NTM: variants seen among roughly 807,000 people sequenced by gnomAD.
NTM encodes the protein neurotrimin.
Under a neutral mutation model 42.1 loss-of-function variants are expected in NTM, and 13 were observed. The ratio of observed to expected loss-of-function variants is 0.31; its 90% CI spans 0.20 to 0.49. NTM has a LOEUF of 0.49. NTM is among the 20% of genes least tolerant of loss of function. The probability of loss-of-function intolerance (pLI) is 0.99; values close to 1 mark genes in which losing one functional copy is unlikely to be tolerated. For missense variants in NTM, 373 were observed against 452.8 expected (o/e 0.82, Z 1.60); for synonymous variants, 187 against 179.2 (o/e 1.04, Z -0.35).
rs868831339 is a variant in NTM, at chr11:131,478,415, C to A, written c.82+107527C>A. Among the ~76,000 whole-genome samples, 3 of 152,118 alleles carry A rather than the reference C, an allele frequency of 2.0e-5. No individual in the cohort carries two copies. In the South Asian group the frequency reaches 6.2e-4, roughly 32 times the overall value. On this transcript the variant is annotated intron_variant, in intron 1 of 8. Transcript: ENST00000683400. ...GTAGGTAGCATACCAGGGTACCATG[C>A]GCATATTTCTGTCATAGTGGTTATT... is the stretch of plus-strand genomic sequence containing the variant.
In NTM at chr11:131,435,733, C is replaced by T. The variant is rs534879173; in HGVS notation, c.82+64845C>T. 7.9e-5 allele frequency among the ~76,000 whole-genome samples: 12 copies of T among 152,318 alleles called. No individual in the cohort carries two copies. In the South Asian group the frequency reaches 2.3e-3, roughly 29 times the overall value. On this transcript the variant is annotated intron_variant, in intron 1 of 8. Transcript: ENST00000683400. ...AATATACAATCATGTCATCTGCAAA[C>T]AGGGACAATTTGACTTCTTCTTTTC...
At chr11:131,504,966 C>G (rs986781467) in intron 1 of NTM, among the ~76,000 whole-genome samples, 1 of 152,100 alleles carries the variant, frequency 6.6e-6, no homozygotes. Flanking sequence ...CACTATCTGA[C>G]CTGGCTGGAC....
intron 1 of NTM, among the ~76,000 whole-genome samples, chr11:131,473,658 T>C (rs563205432): frequency 1.3e-5 from 2 of 152,126 alleles, no homozygotes; most frequent in Admixed American, 6.5e-5. Flanking sequence ...TGGAAGCCAA[T>C]GAGGCGTGGC....
intron 1 of NTM, among the ~76,000 whole-genome samples, chr11:131,444,984 G>A (rs1037055065): frequency 2.0e-5 from 3 of 152,176 alleles, no homozygotes; most frequent in African/African-American, 7.2e-5. Context: ...ATATCTTAAT[G>A]AGAGAGAAAA....
chr11:131,861,563 C>T (rs182892559), intron 1 of NTM, among the ~76,000 whole-genome samples: 3 of 152,300 alleles, frequency 2.0e-5, no homozygotes, highest in Admixed American at 6.5e-5. Context: ...CACCGGGTTA[C>T]ATTTTGCTTT....
intron 1 of NTM, among the ~76,000 whole-genome samples, chr11:131,375,253 A>G (rs2135484321): frequency 6.6e-6 from 1 of 152,340 alleles, no homozygotes; most frequent in African/African-American, 2.4e-5. Flanking sequence ...GTAAGGACTC[A>G]TTAATGCTTG....
intron 1 of NTM, among the ~76,000 whole-genome samples, chr11:131,598,311 G>T (rs2059988547): frequency 6.6e-6 from 1 of 152,228 alleles, no homozygotes; most frequent in Non-Finnish European, 1.5e-5. Context: ...GTGCCAGATG[G>T]TAATGTTCTG....
chr11:131,460,291 T>C (rs1056642795), intron 1 of NTM, among the ~76,000 whole-genome samples: 7 of 150,774 alleles, frequency 4.6e-5, no homozygotes, highest in African/African-American at 1.7e-4. Context: ...TTTTGAAATC[T>C]CTCACTTGGT....
chr11:131,427,906 C>G (rs1273609154), intron 1 of NTM, among the ~76,000 whole-genome samples: 1 of 152,198 alleles, frequency 6.6e-6, no homozygotes, highest in Admixed American at 6.5e-5. Flanking sequence ...TTCTTCTTTT[C>G]TCTGAGCTAA....
At chr11:131,463,306 G>A (rs1439366451) in intron 1 of NTM, among the ~76,000 whole-genome samples, 1 of 152,236 alleles carries the variant, frequency 6.6e-6, no homozygotes, top group Non-Finnish European at 1.5e-5. Context: ...CCTGGAAGCA[G>A]GGGCACGTGC....
chr11:132,197,507 A>AT (rs1295067254), intron 3 of NTM, among the ~76,000 whole-genome samples: 2 of 151,376 alleles, frequency 1.3e-5, no homozygotes, highest in Non-Finnish European at 2.9e-5. Flanking sequence ...TTGATTTTTA[A>AT]TTTTTTTATT....
intron 1 of NTM, among the ~76,000 whole-genome samples, chr11:131,514,175 C>G (rs431485): frequency 0.15 from 22,878 of 152,224 alleles, 1,925 homozygotes; most frequent in Middle Eastern, 0.23. Context: ...GCACAGATTT[C>G]AGAGTCAGAG....
intron 1 of NTM, among the ~76,000 whole-genome samples, chr11:131,733,735 G>T (rs1417728696): frequency 6.6e-6 from 1 of 152,008 alleles, no homozygotes; most frequent in Non-Finnish European, 1.5e-5. Context: ...GGGGGGGTTT[G>T]CCATGATGGC....
At chr11:131,693,655 G>A (rs2075073279) in intron 1 of NTM, among the ~76,000 whole-genome samples, 2 of 152,136 alleles carry the variant, frequency 1.3e-5, no homozygotes, top group East Asian at 3.9e-4. Flanking sequence ...CACTTGGTTT[G>A]TCATTTTTCC....
At chr11:132,065,656 A>G (rs1456080608) in intron 2 of NTM, among the ~76,000 whole-genome samples, 1 of 152,202 alleles carries the variant, frequency 6.6e-6, no homozygotes, top group Non-Finnish European at 1.5e-5. Flanking sequence ...TAACTTTTCT[A>G]GCCTGGTAGT....
At chr11:131,898,923 G>A (rs551729694) in intron 1 of NTM, among the ~76,000 whole-genome samples, 1 of 152,190 alleles carries the variant, frequency 6.6e-6, no homozygotes, top group East Asian at 1.9e-4. Context: ...CTATTGCTTG[G>A]GATGATTGCT....
chr11:131,911,467 T>C (rs756322124), intron 1 of NTM, 97 bp from the exon 2 acceptor site: 47 of 1,613,872 alleles, frequency 2.9e-5, no homozygotes, highest in Middle Eastern at 3.3e-4. Flanking sequence ...TTCGGGGAAG[T>C]TGTGGCTGTC....
chr11:132,288,197 C>T (rs1398595138), intron 4 of NTM, among the ~76,000 whole-genome samples: 1 of 152,128 alleles, frequency 6.6e-6, no homozygotes, highest in South Asian at 2.1e-4. Flanking sequence ...GAATATGATT[C>T]TTAGTGGAAT....
intron 2 of NTM, among the ~76,000 whole-genome samples, chr11:131,964,202 C>T (rs1013188243): frequency 3.3e-5 from 5 of 152,062 alleles, no homozygotes; most frequent in East Asian, 3.9e-4. Context: ...AGGGAAACCG[C>T]GTGTGCAGAG....
Sources: allele counts gnomAD v4.1 joint callset (sites outside exome capture counted in the v4.1 genomes callset), GRCh38; gene constraint gnomAD v4.1.1; transcripts MANE v1.5; gene names NCBI Gene and HGNC (gene_info 2026-07-23, HGNC 2026-07-21).